Variants in SELP observed in about 807,000 individuals in gnomAD.
SELP encodes the protein selectin P.
Under a neutral mutation model 104.1 loss-of-function variants are expected in SELP, and 92 were observed. That is an observed-to-expected ratio of 0.88 (90% confidence interval 0.75 to 1.05). The LOEUF (loss-of-function observed/expected upper bound fraction) is 1.05. SELP is among the 50% of genes least tolerant of loss of function. The pLI, the probability that SELP is intolerant of heterozygous loss-of-function variation, is 0.00. For synonymous variants in SELP, 397 were observed against 364.5 expected, an observed-to-expected ratio of 1.09 and a Z score of -1.01; for missense variants, 1,022 against 1,017.3, an observed-to-expected ratio of 1.00 and a Z score of -0.06.
intron 14 of SELP, among the ~76,000 whole-genome samples, chr1:169,591,769 C>G (rs1259895452): frequency 1.3e-5 from 2 of 152,190 alleles, no homozygotes; most frequent in African/African-American, 4.8e-5. Context: ...GCAAGCTAAT[C>G]ACATACATGA....
intron 1 of SELP, among the ~76,000 whole-genome samples, chr1:169,620,047 A>G (rs1270775146): frequency 2.0e-5 from 3 of 152,040 alleles, no homozygotes; most frequent in South Asian, 4.1e-4. Flanking sequence ...CTAAAAGTAC[A>G]TTAAAAAAAA....
chr1:169,601,385 G>GTGTGA (rs1413992447), intron 10 of SELP, among the ~76,000 whole-genome samples: 1 of 152,178 alleles, frequency 6.6e-6, no homozygotes, highest in Non-Finnish European at 1.5e-5. Flanking sequence ...GAGCCTAAGG[G>GTGTGA]TGTGACAAGA....
At chr1:169,621,547 T>TGTGGGGTC (rs1453066120) in intron 1 of SELP, among the ~76,000 whole-genome samples, 1 of 151,832 alleles carries the variant, frequency 6.6e-6, no homozygotes, top group East Asian at 1.9e-4. Context: ...CATGGGACAG[T>TGTGGGGTC]GTGGGGTCAT....
Position 169,611,604 on chromosome 1 carries a change from G to C in SELP, c.1035C>G (p.Ala345=). The C allele has an allele frequency of 6.2e-7, 1 of 1,614,152 alleles. No individual in the cohort carries two copies. The highest frequency in any genetic ancestry group is 8.5e-7 in the Non-Finnish European group (1 of 1,180,018). ...ACTCAAATTTACAGCTGGAGCCATA[G>C]GCAAAAGCAGTGAGCGGATGAACAC... ...MDCVHPLTAF[A]YGSSCKFECQ... Residue 345 remains alanine (A), a synonymous_variant, in exon 7 of 17, where the codon GCC becomes GCG. Coordinates refer to ENST00000263686, the MANE Select transcript of SELP (RefSeq NM_003005.4).
intron 1 of SELP, among the ~76,000 whole-genome samples, chr1:169,625,499 G>A (rs1663330136): frequency 6.6e-6 from 1 of 152,168 alleles, no homozygotes; most frequent in South Asian, 2.1e-4. Flanking sequence ...CTCTTGAGCA[G>A]GAGGTCCACA....
At chr1:169,620,343 T>C (rs1663035039) in intron 1 of SELP, among the ~76,000 whole-genome samples, 1 of 151,872 alleles carries the variant, frequency 6.6e-6, no homozygotes, top group African/African-American at 2.4e-5. Flanking sequence ...GTAGCAGAGC[T>C]TGACTTTGAA....
intron 10 of SELP, among the ~76,000 whole-genome samples, chr1:169,599,177 C>T (rs1159885513): frequency 6.6e-6 from 1 of 152,086 alleles, no homozygotes; most frequent in East Asian, 1.9e-4. Flanking sequence ...GGAAGCCTAA[C>T]CCAGATCCGG....
chr1:169,605,715 C>T (rs548712936), intron 9 of SELP, among the ~76,000 whole-genome samples: 15 of 152,106 alleles, frequency 9.9e-5, no homozygotes, highest in East Asian at 1.9e-4. Flanking sequence ...GGAGGAAAAG[C>T]GGAGAAAATA....
At chr1:169,610,212 T>C (rs1662449117) in intron 7 of SELP, among the ~76,000 whole-genome samples, 3 of 151,930 alleles carry the variant, frequency 2.0e-5, no homozygotes, top group African/African-American at 4.8e-5. Context: ...GCATAGCTTA[T>C]TGTTGACACT....
At chr1:169,616,181 T>A (rs1169328351) in intron 3 of SELP, among the ~76,000 whole-genome samples, 1 of 152,212 alleles carries the variant, frequency 6.6e-6, no homozygotes, top group African/African-American at 2.4e-5. Flanking sequence ...ACTTCTTTCC[T>A]TTCCTGCCCA....
chr1:169,622,658 A>AT (rs1261200024), intron 1 of SELP, among the ~76,000 whole-genome samples: 1 of 152,228 alleles, frequency 6.6e-6, no homozygotes, highest in Admixed American at 6.5e-5. Context: ...AGTAGTTGTC[A>AT]TGCTAACTCA....
chr1:169,617,822 A>G (rs1170177480), intron 2 of SELP, among the ~76,000 whole-genome samples: 1 of 152,236 alleles, frequency 6.6e-6, no homozygotes, highest in Non-Finnish European at 1.5e-5. Flanking sequence ...GGAAAATAAC[A>G]TGCTTTATGA....
intron 1 of SELP, among the ~76,000 whole-genome samples, chr1:169,620,981 C>G (rs1490519318): frequency 6.7e-5 from 5 of 74,756 alleles, no homozygotes; most frequent in Non-Finnish European, 1.1e-4. Context: ...GTGTGTGTGT[C>G]ATGCCACAGT....
At chr1:169,603,278 ACT>A (rs1006057585) in intron 9 of SELP, 67 bp from the exon 10 acceptor site, 188 of 1,196,372 alleles carry the variant, frequency 1.6e-4, no homozygotes, top group Non-Finnish European at 1.7e-4. Context: ...GAACTCTGTA[ACT>A]CTCTCTCTCT....
intron 10 of SELP, among the ~76,000 whole-genome samples, chr1:169,600,647 T>C (rs1304842912): frequency 6.6e-6 from 1 of 152,180 alleles, no homozygotes; most frequent in Non-Finnish European, 1.5e-5. Flanking sequence ...TCTGCTTACT[T>C]GGAGGCCCCT....
chr1:169,599,186 G>A (rs1056673678), intron 10 of SELP, among the ~76,000 whole-genome samples: 2 of 152,100 alleles, frequency 1.3e-5, no homozygotes, highest in African/African-American at 4.8e-5. Context: ...ACCCAGATCC[G>A]GCATATGGTG....
At chr1:169,598,448 C>T (rs1661738028) in intron 10 of SELP, among the ~76,000 whole-genome samples, 1 of 152,194 alleles carries the variant, frequency 6.6e-6, no homozygotes, top group African/African-American at 2.4e-5. Context: ...TTTTCAGTAA[C>T]AAGCTATTCA....
chr1:169,593,125 C>T (rs1446606631), intron 14 of SELP, among the ~76,000 whole-genome samples: 1 of 152,196 alleles, frequency 6.6e-6, no homozygotes, highest in Non-Finnish European at 1.5e-5. Context: ...TTTCACCTGT[C>T]TCCCCTACTG....
chr1:169,595,113 C>T (rs370941574), intron 12 of SELP, among the ~76,000 whole-genome samples: 2 of 152,058 alleles, frequency 1.3e-5, no homozygotes, highest in African/African-American at 2.4e-5. Context: ...TAGTAGCATC[C>T]GACAAATACC....
Sources: gnomAD v4.1 joint callset for allele counts (sites outside exome capture counted in the v4.1 genomes callset) on GRCh38, gnomAD v4.1.1 for gene constraint, MANE v1.5 for transcripts, NCBI Gene and HGNC (gene_info 2026-07-23, HGNC 2026-07-21) for gene names.